The following CA9 variants were observed in gnomAD, a reference collection of about 807,000 sequenced individuals.
The protein encoded by CA9 is carbonic anhydrase 9, also known as CA-IX.
Under a neutral mutation model 51.8 loss-of-function variants are expected in CA9, and 43 were observed. The observed-to-expected ratio is 0.83, with a 90% CI of 0.65 to 1.07. The LOEUF is 1.07. CA9 is among the 50% of genes least tolerant of loss of function. The pLI is 0.00. For synonymous variants in CA9, 253 were observed against 244.2 expected (o/e 1.04, Z -0.34); for missense variants, 574 against 581.4 (o/e 0.99, Z 0.13).
Position 35,674,073 on chromosome 9 carries a change from G to C in CA9, c.114G>C (p.Gln38His). Reference sequence around the variant, plus strand: ...TGCTTCTGGTGCCTGTCCATCCCCAGAGGTTGCCCCGGATGCAGGAGGATT... The same window carrying C: ...TGCTTCTGGTGCCTGTCCATCCCCACAGGTTGCCCCGGATGCAGGAGGATT... ...SLLLLVPVHP[Q>H]RLPRMQEDSP... The change falls in exon 1 of 11, where the codon CAG (glutamine) becomes CAC (histidine). Residue 38 changes from glutamine to histidine, a missense_variant. Gln to His is a conservative substitution (Grantham distance 24, BLOSUM62 0). Transcript: ENST00000378357. 5 of 1,614,220 alleles carry C rather than the reference G, an allele frequency of 3.1e-6. No individual in the cohort carries two copies. The highest frequency in any genetic ancestry group is 1.7e-5 in the Admixed American group (1 of 60,022).
At chr9:35,679,449 G>T in intron 7 of CA9, 107 bp downstream of exon 7, 1 of 1,386,956 alleles carries the variant, frequency 7.2e-7, no homozygotes, top group South Asian at 1.4e-5. Flanking sequence ...TGTGGCTTAC[G>T]CCTATAATCC....
Position 35,681,098 on chromosome 9 carries a change from C to T in CA9, c.*73C>T. Reference sequence around the variant, plus strand: ...GGGAGCCGGTAACTGTCCTGTCCTGCTCATTATGCCACTTCCTTTTAACTG... The same window carrying T: ...GGGAGCCGGTAACTGTCCTGTCCTGTTCATTATGCCACTTCCTTTTAACTG... On this transcript the variant is annotated 3_prime_UTR_variant, in exon 11 of 11. Coordinates refer to ENST00000378357, the MANE Select transcript of CA9 (RefSeq NM_001216.3). The T allele has an allele frequency of 8.7e-7, 1 of 1,144,776 alleles. No homozygotes were observed. The highest frequency in any genetic ancestry group is 1.2e-6 in the Non-Finnish European group (1 of 816,832). The allele number at this position is 1,144,776 out of a possible 1,614,324, so 70.9% of individuals were successfully genotyped here.
Position 35,681,065 on chromosome 9 carries a change from A to G in CA9, c.*40A>G, listed in dbSNP as rs369853055. The stretch of plus-strand genomic sequence containing the variant: ...AGAATGTGAGAAGCCAGCCAGAGGC[A>G]TCTGAGGGGGAGCCGGTAACTGTCC... On this transcript the variant is annotated 3_prime_UTR_variant, in exon 11 of 11. Coordinates refer to ENST00000378357, the MANE Select transcript of CA9 (RefSeq NM_001216.3). The G allele has an allele frequency of 6.3e-7, 1 of 1,582,188 alleles. No individual in the cohort carries two copies. The highest frequency in any genetic ancestry group is 1.1e-5 in the South Asian group (1 of 89,558).
Position 35,676,131 on chromosome 9 carries a change from G to T in CA9, c.672G>T (p.Gln224His), listed in dbSNP as rs1176833919. 4 of 1,613,574 alleles carry T rather than the reference G, an allele frequency of 2.5e-6. No individual in the cohort carries two copies. Among genetic ancestry groups the T allele is most frequent in the Non-Finnish European group, 8.5e-7 (1 of 1,179,842 alleles). The part of the protein sequence containing the change: ...LGPGREYRAL[Q>H]LHLHWGAAGR... The stretch of plus-strand genomic sequence containing the variant: ...CCGGGCGGGAGTACCGGGCTCTGCA[G>T]CTGCATCTGCACTGGGGGGCTGCAG... The change falls in exon 4 of 11, where the codon CAG becomes CAT. Residue 224 changes from glutamine to histidine, a missense_variant. Transcript: ENST00000378357.
At chr9:35,676,490 G>C (rs1824426050) in intron 5 of CA9, 101 bp downstream of exon 5, 3 of 935,816 alleles carry the variant, frequency 3.2e-6, no homozygotes, top group Non-Finnish European at 4.9e-6. Context: ...AGCTCACTCA[G>C]GCCCCTGGCT....
intron 7 of CA9, 54 bp from the exon 8 acceptor site, chr9:35,679,800 C>A (rs945781812): frequency 3.3e-6 from 5 of 1,525,504 alleles, no homozygotes; most frequent in Middle Eastern, 2.1e-4. Flanking sequence ...GGCCTGGGAC[C>A]CTTGTTTCCT....
chr9:35,675,944 C>T lies in CA9; in HGVS notation c.604+13C>T. 6.3e-7 allele frequency: 1 copy of T among 1,599,330 alleles called. No individual in the cohort carries two copies. Among genetic ancestry groups the T allele is most frequent in the South Asian group, 1.1e-5 (1 of 89,926 alleles). ...AATGGCCACAGTGGTGAGGGGGTCTCCCCGCCGAGACTTGGGGATGGGGCG... is the reference window on the plus strand; with the variant it reads ...AATGGCCACAGTGGTGAGGGGGTCTTCCCGCCGAGACTTGGGGATGGGGCG... On this transcript the variant is annotated intron_variant, in intron 3 of 10. Coordinates refer to ENST00000378357, the MANE Select transcript of CA9 (RefSeq NM_001216.3).
intron 1 of CA9, 97 bp downstream of exon 1, chr9:35,674,459 A>G (rs1824379233): frequency 8.5e-7 from 1 of 1,180,574 alleles, no homozygotes; most frequent in African/African-American, 1.5e-5. Flanking sequence ...GAAGGAGGGG[A>G]GACTGTACTC....
chr9:35,675,327 C>A (rs1399279369), intron 1 of CA9: 15 of 620,638 alleles, frequency 2.4e-5, no homozygotes, highest in Non-Finnish European at 4.1e-5. Context: ...GACCCTAAGA[C>A]AATGATTGCA....
At chr9:35,678,881 A>G (rs1360130371) in intron 6 of CA9, among the ~76,000 whole-genome samples, 2 of 151,982 alleles carry the variant, frequency 1.3e-5, no homozygotes, top group Non-Finnish European at 2.9e-5. Context: ...TGGTACACAG[A>G]GTTAAGAGTG....
intron 5 of CA9, 55 bp downstream of exon 5, chr9:35,676,444 G>A (rs1045665993): frequency 4.2e-6 from 6 of 1,418,160 alleles, no homozygotes; most frequent in African/African-American, 1.4e-5. Flanking sequence ...TGCTCCTCCC[G>A]GACTCTATCG....
chr9:35,674,457 G>A (rs1484383126), intron 1 of CA9, 95 bp downstream of exon 1: 8 of 1,228,534 alleles, frequency 6.5e-6, no homozygotes, highest in Non-Finnish European at 8.0e-6. Context: ...GGGAAGGAGG[G>A]GAGACTGTAC....
intron 2 of CA9, 84 bp from the exon 3 acceptor site, chr9:35,675,677 T>TC: frequency 2.1e-6 from 2 of 930,686 alleles, no homozygotes; most frequent in Non-Finnish European, 3.2e-6. Context: ...CCGCCCACCG[T>TC]CCCACCCCCT....
chr9:35,676,220 T>C lies in CA9; in HGVS notation c.747+14T>C, dbSNP rs1824419616. 2 of 1,612,152 alleles carry C rather than the reference T, an allele frequency of 1.2e-6. No individual in the cohort carries two copies. The highest frequency in any genetic ancestry group is 2.2e-5 in the South Asian group (2 of 90,892). ...TTCCCTGCCGAGGTGAGCGCGGAGC[T>C]GGCCGAGAAGGGGCAAAGGAGCGGG... On this transcript the variant is annotated intron_variant, in intron 4 of 10. Transcript: ENST00000378357.
chr9:35,678,795 G>A (rs1364164553), intron 6 of CA9, among the ~76,000 whole-genome samples: 1 of 150,488 alleles, frequency 6.6e-6, no homozygotes, highest in Non-Finnish European at 1.5e-5. Context: ...ACCAGCCTCG[G>A]CCTCCCAAAG....
At position 35,676,306 on chromosome 9, in the gene CA9, G is replaced by C; in HGVS notation, c.757G>C (p.Val253Leu). 6 of 1,614,106 alleles carry C rather than the reference G, an allele frequency of 3.7e-6. No homozygotes were observed. Among genetic ancestry groups the C allele is most frequent in the Non-Finnish European group, 5.1e-6 (6 of 1,180,030 alleles). Residue 253 changes from valine (V) to leucine (L), a missense_variant, in exon 5 of 11, where the codon GTT becomes CTT. By Grantham distance (32) the Val-to-Leu change is conservative (BLOSUM62 1). Coordinates refer to ENST00000378357, the MANE Select transcript of CA9 (RefSeq NM_001216.3). ...GHRFPAEIHV[V>L]HLSTAFARVD... Reference sequence around the variant, plus strand: ...CTCGTGTCCTTTTCAGATCCACGTGGTTCACCTCAGCACCGCCTTTGCCAG... The same window carrying C: ...CTCGTGTCCTTTTCAGATCCACGTGCTTCACCTCAGCACCGCCTTTGCCAG...
At chr9:35,674,500 C>T in intron 1 of CA9, 138 bp downstream of exon 1, 1 of 708,786 alleles carries the variant, frequency 1.4e-6, no homozygotes, top group Non-Finnish European at 2.3e-6. Context: ...GGTCCCATAC[C>T]AATATCCCCA....
chr9:35,681,039 G>C lies in CA9; in HGVS notation c.*14G>C. 6.2e-7 allele frequency: 1 copy of C among 1,612,368 alleles called. No individual in the cohort carries two copies. The highest frequency in any genetic ancestry group is 8.5e-7 in the Non-Finnish European group (1 of 1,179,334). On this transcript the variant is annotated 3_prime_UTR_variant, in exon 11 of 11. Transcript: ENST00000378357. The stretch of plus-strand genomic sequence containing the variant: ...ACTGGAGCCTAGAGGCTGGATCTTG[G>C]AGAATGTGAGAAGCCAGCCAGAGGC...
In CA9 at chr9:35,674,301, T is replaced by C. The variant is rs181213293; in HGVS notation, c.342T>C (p.Pro114=). The stretch of plus-strand genomic sequence containing the variant: ...GCTCCCTGAAGTTAGAGGATCTACC[T>C]ACTGTTGAGGCTCCTGGAGATCCTC... The part of the protein sequence containing the change: ...EEGSLKLEDL[P]TVEAPGDPQE... The change falls in exon 1 of 11, where the codon CCT becomes CCC. Residue 114 remains proline, a synonymous_variant. Transcript: ENST00000378357. 1.9e-4 allele frequency: 304 copies of C among 1,614,150 alleles called. 2 individuals carry two copies. The Admixed American group carries it at 5.0e-3, about 26-fold the overall frequency.
Sources: gnomAD v4.1 joint callset for allele counts (sites outside exome capture counted in the v4.1 genomes callset) on GRCh38, gnomAD v4.1.1 for gene constraint, MANE v1.5 for transcripts, NCBI Gene and HGNC (gene_info 2026-07-23, HGNC 2026-07-21) for gene names.